The following NCKAP5 variants were observed in gnomAD, a reference collection of about 807,000 sequenced individuals.
NCKAP5 encodes NCK associated protein 5.
A neutral mutation model predicts 167.0 loss-of-function variants in NCKAP5; 92 were observed. The ratio of observed to expected loss-of-function variants is 0.55; its 90% CI spans 0.47 to 0.66. NCKAP5 has a LOEUF of 0.66. NCKAP5 is among the 30% of genes least tolerant of loss of function. The pLI, the probability that NCKAP5 is intolerant of heterozygous loss-of-function variation, is 0.00. For synonymous variants in NCKAP5, 891 were observed against 877.4 expected (o/e 1.02, Z -0.27); for missense variants, 2,378 against 2,315.0 (o/e 1.03, Z -0.56).
intron 5 of NCKAP5, among the ~76,000 whole-genome samples, chr2:133,138,509 A>C (rs2082881590): frequency 6.6e-6 from 1 of 152,172 alleles, no homozygotes; most frequent in African/African-American, 2.4e-5. Context: ...AACTTCTCAC[A>C]TTTTTCATCA....
At chr2:133,023,593 C>T (rs1380679629) in intron 6 of NCKAP5, among the ~76,000 whole-genome samples, 1 of 152,160 alleles carries the variant, frequency 6.6e-6, no homozygotes, top group African/African-American at 2.4e-5. Flanking sequence ...CAGCCCATGC[C>T]TCTCCCTCCC....
At chr2:133,430,560 G>A (rs1214873278) in intron 3 of NCKAP5, among the ~76,000 whole-genome samples, 2 of 152,096 alleles carry the variant, frequency 1.3e-5, no homozygotes, top group Non-Finnish European at 2.9e-5. Context: ...TATGATGAGA[G>A]GTAGGGGTCC....
intron 11 of NCKAP5, among the ~76,000 whole-genome samples, chr2:132,856,647 T>C (rs1488260882): frequency 6.6e-6 from 1 of 152,160 alleles, no homozygotes; most frequent in African/African-American, 2.4e-5. Context: ...GTTACACAGG[T>C]ATCCCAAACA....
intron 19 of NCKAP5, among the ~76,000 whole-genome samples, chr2:132,678,175 T>C (rs75398873): frequency 1.3e-3 from 204 of 152,270 alleles, no homozygotes; most frequent in African/African-American, 4.8e-3. Flanking sequence ...AAAAAATATA[T>C]GCATGATGGT....
intron 4 of NCKAP5, among the ~76,000 whole-genome samples, chr2:133,297,653 C>A (rs1680065269): frequency 6.6e-6 from 1 of 152,178 alleles, no homozygotes; most frequent in Non-Finnish European, 1.5e-5. Context: ...TTATCCAAGT[C>A]TTATTCACCA....
At chr2:133,461,286 T>G (rs1485231300) in intron 3 of NCKAP5, among the ~76,000 whole-genome samples, 1 of 152,240 alleles carries the variant, frequency 6.6e-6, no homozygotes, top group Non-Finnish European at 1.5e-5. Flanking sequence ...TTATATAAGT[T>G]AAATGAAGAT....
intron 6 of NCKAP5, among the ~76,000 whole-genome samples, chr2:133,000,484 A>G (rs1467931900): frequency 6.6e-6 from 1 of 152,182 alleles, no homozygotes; most frequent in African/African-American, 2.4e-5. Flanking sequence ...GAAAAGAAGG[A>G]ATACTTGCAA....
chr2:133,250,007 A>ATTATTATTATTG (rs1405543609), intron 4 of NCKAP5, among the ~76,000 whole-genome samples: 2 of 146,002 alleles, frequency 1.4e-5, no homozygotes, highest in East Asian at 4.0e-4. Context: ...TTTTATTATT[A>ATTATTATTATTG]TTATTATTAT....
intron 11 of NCKAP5, among the ~76,000 whole-genome samples, chr2:132,799,733 TA>T (rs1172777502): frequency 5.3e-5 from 8 of 152,110 alleles, no homozygotes; most frequent in African/African-American, 9.7e-5. Flanking sequence ...TGTTTAGTTT[TA>T]AAAAAATAAT....
At chr2:133,361,768 C>G (rs1262100090) in intron 3 of NCKAP5, among the ~76,000 whole-genome samples, 1 of 152,096 alleles carries the variant, frequency 6.6e-6, no homozygotes, top group African/African-American at 2.4e-5. Flanking sequence ...AGAACCTGCT[C>G]CTAGTGGAAA....
intron 16 of NCKAP5, among the ~76,000 whole-genome samples, chr2:132,754,082 G>C (rs944726621): frequency 2.0e-5 from 3 of 152,132 alleles, no homozygotes; most frequent in African/African-American, 7.2e-5. Flanking sequence ...AGTTAAACAG[G>C]GCTTTGTGAC....
intron 12 of NCKAP5, 85 bp downstream of exon 12, chr2:132,796,543 C>CT (rs1269783693): frequency 1.1e-6 from 1 of 895,288 alleles, no homozygotes; most frequent in African/African-American, 1.7e-5. Flanking sequence ...CAAGGATGCA[C>CT]TTTATGGTTC....
At chr2:133,484,285 G>A (rs557840120) in intron 3 of NCKAP5, among the ~76,000 whole-genome samples, 1 of 152,248 alleles carries the variant, frequency 6.6e-6, no homozygotes, top group East Asian at 1.9e-4. Flanking sequence ...AAACCATCTG[G>A]TCCAGTCCTT....
Position 132,782,694 on chromosome 2 carries a change from G to C in NCKAP5, c.4117C>G (p.Pro1373Ala). The change falls in exon 14 of 20, where the codon CCT (proline) becomes GCT (alanine). Residue 1373 changes from proline to alanine, a missense_variant. By Grantham distance (27) the Pro-to-Ala change is conservative (BLOSUM62 -1). Transcript: ENST00000409261. ...GSPSKLPLRI[P>A]PKSEGLLIPP... ...ATGAGGAGTCCCTCAGACTTTGGAGGGATCCTCAAAGGCAACTTACTTGGG... is the reference window on the plus strand; with the variant it reads ...ATGAGGAGTCCCTCAGACTTTGGAGCGATCCTCAAAGGCAACTTACTTGGG... The C allele has an allele frequency of 1.2e-6, 2 of 1,613,904 alleles. No individual in the cohort carries two copies. Among genetic ancestry groups the C allele is most frequent in the Non-Finnish European group, 1.7e-6 (2 of 1,179,858 alleles).
chr2:133,226,618 C>CAA (rs972899719), intron 4 of NCKAP5, among the ~76,000 whole-genome samples: 3 of 151,326 alleles, frequency 2.0e-5, no homozygotes, highest in Non-Finnish European at 3.0e-5. Context: ...CACACACACA[C>CAA]ACACACACAC....
At chr2:132,804,716 C>T (rs988620266) in intron 11 of NCKAP5, among the ~76,000 whole-genome samples, 1 of 152,134 alleles carries the variant, frequency 6.6e-6, no homozygotes, top group African/African-American at 2.4e-5. Context: ...TTTCCCTAAT[C>T]TTATCTCATG....
chr2:133,357,203 A>AAAT (rs1684792436), intron 3 of NCKAP5, among the ~76,000 whole-genome samples: 1 of 151,922 alleles, frequency 6.6e-6, no homozygotes, highest in South Asian at 2.1e-4. Context: ...GCCCGACCCT[A>AAAT]AATATTGTTC....
intron 8 of NCKAP5, among the ~76,000 whole-genome samples, chr2:132,880,958 G>A (rs1483723163): frequency 1.3e-5 from 2 of 151,960 alleles, no homozygotes; most frequent in African/African-American, 2.4e-5. Flanking sequence ...TCATTGTCTT[G>A]TACAATCACA....
chr2:133,111,017 A>C (rs1038782185), intron 6 of NCKAP5, among the ~76,000 whole-genome samples: 1 of 152,110 alleles, frequency 6.6e-6, no homozygotes, highest in Non-Finnish European at 1.5e-5. Context: ...AGGCACCATC[A>C]GTCTTATCCG....
Sources: gnomAD v4.1 joint callset for allele counts (sites outside exome capture counted in the v4.1 genomes callset) on GRCh38, gnomAD v4.1.1 for gene constraint, MANE v1.5 for transcripts, NCBI Gene and HGNC (gene_info 2026-07-23, HGNC 2026-07-21) for gene names.